The following ASIP variants were observed in gnomAD, a reference collection of about 807,000 sequenced individuals.
The protein encoded by ASIP is agouti signaling protein.
Under a neutral mutation model 10.3 loss-of-function variants are expected in ASIP, and 11 were observed. That is an observed-to-expected ratio of 1.07 (90% CI 0.68 to 1.78). The LOEUF is 1.78. ASIP is among the 40% of genes most tolerant of loss of function. The pLI is 0.00. For missense variants in ASIP, 180 were observed against 169.2 expected (o/e 1.06, Z -0.35); for synonymous variants, 70 against 70.8 (o/e 0.99, Z 0.06).
chr20:34,204,630 G>A (rs2122541934), intron 1 of ASIP, among the ~76,000 whole-genome samples: 1 of 152,276 alleles, frequency 6.6e-6, no homozygotes, highest in South Asian at 2.1e-4. Context: ...TAGAAAGAAA[G>A]CACTCAATAA....
At chr20:34,254,558 C>A (rs1201718884) in intron 1 of ASIP, among the ~76,000 whole-genome samples, 2 of 152,200 alleles carry the variant, frequency 1.3e-5, no homozygotes, top group African/African-American at 2.4e-5. Flanking sequence ...CATTTGGCAA[C>A]AAAACCCGTC....
chr20:34,245,160 C>G (rs922936848), intron 1 of ASIP, among the ~76,000 whole-genome samples: 3 of 151,436 alleles, frequency 2.0e-5, no homozygotes, highest in Non-Finnish European at 4.4e-5. Flanking sequence ...ATGATGAAAC[C>G]CCGTCGCTAC....
intron 3 of ASIP, among the ~76,000 whole-genome samples, chr20:34,265,038 C>T (rs1036993890): frequency 3.3e-5 from 5 of 151,980 alleles, no homozygotes; most frequent in African/African-American, 1.2e-4. Context: ...TCAGGCAATC[C>T]GCTGCTTCTG....
At chr20:34,238,280 AATGCAT>A (rs1282491560), upstream of ASIP, among the ~76,000 whole-genome samples, 20 of 151,850 alleles carry the variant, frequency 1.3e-4, no homozygotes, top group African/African-American at 4.8e-4. Flanking sequence ...CTTCTGAGAG[AATGCAT>A]ATGTTTTTCT....
chr20:34,233,707 A>C (rs1317327218), intron 1 of ASIP, among the ~76,000 whole-genome samples: 2 of 152,200 alleles, frequency 1.3e-5, no homozygotes, highest in Admixed American at 6.5e-5. Flanking sequence ...GAGTTTTTGC[A>C]CTAAAAAATG....
upstream of ASIP, among the ~76,000 whole-genome samples, chr20:34,239,258 C>T (rs534391558): frequency 9.9e-4 from 151 of 152,054 alleles, no homozygotes; most frequent in African/African-American, 3.6e-3. Context: ...TGAGACTGGC[C>T]CAGGCTGGAG....
At chr20:34,248,820 T>G (rs2035424004) in intron 1 of ASIP, among the ~76,000 whole-genome samples, 1 of 151,336 alleles carries the variant, frequency 6.6e-6, no homozygotes, top group Non-Finnish European at 1.5e-5. Flanking sequence ...AAGAAAGAAA[T>G]ATTCAGCAGA....
At chr20:34,236,355 C>T (rs542565704) in intron 1 of ASIP, among the ~76,000 whole-genome samples, 1 of 151,900 alleles carries the variant, frequency 6.6e-6, no homozygotes, top group East Asian at 1.9e-4. Flanking sequence ...GCCTGGCCAA[C>T]ATGGTGAAAC....
chr20:34,197,528 A>C (rs565773167), intron 1 of ASIP, among the ~76,000 whole-genome samples: 5 of 152,246 alleles, frequency 3.3e-5, no homozygotes, highest in Admixed American at 2.6e-4. Flanking sequence ...TTGCCTCCTT[A>C]TGTCCTGTAG....
intron 1 of ASIP, chr20:34,214,142 T>C (rs1241299510): frequency 1.9e-5 from 22 of 1,166,960 alleles, no homozygotes; most frequent in South Asian, 3.7e-5. Flanking sequence ...GAGAAAGCTT[T>C]AATAAATCTT....
intron 1 of ASIP, among the ~76,000 whole-genome samples, chr20:34,232,664 T>C (rs2035129823): frequency 6.6e-6 from 1 of 152,204 alleles, no homozygotes; most frequent in South Asian, 2.1e-4. Flanking sequence ...CACTCAGGCA[T>C]CAGGAGAAGC....
rs527800429 is a variant in ASIP, at chr20:34,203,414, T to C, written c.-11+8654T>C. 4.6e-3 allele frequency among the ~76,000 whole-genome samples: 698 copies of C among 150,198 alleles called. 8 individuals carry two copies. Among genetic ancestry groups the C allele is most frequent in the African/African-American group, 0.017 (681 of 40,908 alleles). ...TATATGTATATTATATATATATTTT[T>C]TGAGACACGGTTTCACTCTGTCACT... On this transcript the variant is annotated intron_variant, in intron 1 of 3. Coordinates refer to the ASIP transcript ENST00000568305.
chr20:34,189,610 G>A (rs1433150973), upstream of ASIP, among the ~76,000 whole-genome samples: 1 of 152,180 alleles, frequency 6.6e-6, no homozygotes, highest in Non-Finnish European at 1.5e-5. Flanking sequence ...GAACTCAAGG[G>A]AGCATGTGAA....
At chr20:34,208,564 G>T (rs181232383) in intron 1 of ASIP, among the ~76,000 whole-genome samples, 1 of 152,058 alleles carries the variant, frequency 6.6e-6, no homozygotes, top group South Asian at 2.1e-4. Flanking sequence ...TGTGTGCCTC[G>T]GTTGACTCAA....
chr20:34,268,561 A>C (rs2035828634), intron 3 of ASIP, among the ~76,000 whole-genome samples: 1 of 151,966 alleles, frequency 6.6e-6, no homozygotes, highest in Admixed American at 6.6e-5. Context: ...GTCTATAAAA[A>C]CATAGAAAAT....
intron 1 of ASIP, among the ~76,000 whole-genome samples, chr20:34,234,073 C>T (rs942547410): frequency 2.0e-5 from 3 of 152,184 alleles, no homozygotes; most frequent in African/African-American, 7.2e-5. Context: ...ATGATGGTGT[C>T]ACCATGTCCA....
At chr20:34,198,465 TTTTATGTA>T (rs2034872845) in intron 1 of ASIP, among the ~76,000 whole-genome samples, 1 of 151,850 alleles carries the variant, frequency 6.6e-6, no homozygotes, top group Non-Finnish European at 1.5e-5. Context: ...TTATTTTCTT[TTTTATGTA>T]TTTATGTATG....
At chr20:34,259,358 C>G in intron 1 of ASIP, among the ~76,000 whole-genome samples, 1 of 151,718 alleles carries the variant, frequency 6.6e-6, no homozygotes, top group Non-Finnish European at 1.5e-5. Context: ...ACTAAAAATA[C>G]AAAAATTAGC....
upstream of ASIP, among the ~76,000 whole-genome samples, chr20:34,193,317 T>C (rs2034835972): frequency 6.6e-6 from 1 of 152,120 alleles, no homozygotes; most frequent in African/African-American, 2.4e-5. Context: ...AGTCATTGAG[T>C]CTCTGAAGAC....
Sources: allele counts gnomAD v4.1 joint callset (sites outside exome capture counted in the v4.1 genomes callset), GRCh38; gene constraint gnomAD v4.1.1; transcripts MANE v1.5; gene names NCBI Gene and HGNC (gene_info 2026-07-23, HGNC 2026-07-21).